The following NTN1 variants were observed in gnomAD, a reference collection of about 807,000 sequenced individuals.
NTN1 encodes the protein netrin 1, also known as netrin-1.
A neutral mutation model predicts 54.2 loss-of-function variants in NTN1; 11 were observed. The ratio of observed to expected loss-of-function variants is 0.20; its 90% confidence interval spans 0.13 to 0.34. The LOEUF is 0.34. NTN1 is among the 10% of genes least tolerant of loss of function. NTN1 has a pLI of 1.00. For missense variants in NTN1, 740 were observed against 893.1 expected (o/e 0.83, Z 2.18); for synonymous variants, 371 against 382.0 (o/e 0.97, Z 0.33).
chr17:9,236,128 G>T (rs567236845), intron 6 of NTN1, among the ~76,000 whole-genome samples: 1 of 104,674 alleles, frequency 9.6e-6, no homozygotes, highest in East Asian at 2.2e-4. Flanking sequence ...AGAATTTGGG[G>T]GGGGGGGTAC....
rs539371479 is a variant in NTN1, at chr17:9,203,015, G to A, written c.1412-18153G>A. Among the ~76,000 whole-genome samples the A allele has an allele frequency of 1.1e-3, 166 of 152,206 alleles. 1 individual carries two copies. Among genetic ancestry groups the A allele is most frequent in the African/African-American group, 3.4e-3 (142 of 41,534 alleles). On this transcript the variant is annotated intron_variant, in intron 5 of 6. Coordinates refer to ENST00000173229, the MANE Select transcript of NTN1 (RefSeq NM_004822.3). The stretch of plus-strand genomic sequence containing the variant: ...CCGCTCACTGCAAGCTCCGCCTTCC[G>A]GGTTCACACCATTCTCCTGCCTCAG...
intron 2 of NTN1, among the ~76,000 whole-genome samples, chr17:9,075,034 CTAGT>C (rs1206123229): frequency 6.6e-6 from 1 of 152,174 alleles, no homozygotes; most frequent in African/African-American, 2.4e-5. Context: ...GTGGTCGGGC[CTAGT>C]TGGTTTGTTT....
intron 2 of NTN1, among the ~76,000 whole-genome samples, chr17:9,140,246 AG>A (rs1246781473): frequency 6.6e-6 from 1 of 152,088 alleles, no homozygotes; most frequent in Non-Finnish European, 1.5e-5. Context: ...GGAAAGGTGG[AG>A]GTCATTGTGA....
chr17:9,142,280 T>C (rs555126678), intron 2 of NTN1, among the ~76,000 whole-genome samples: 62 of 149,930 alleles, frequency 4.1e-4, no homozygotes, highest in African/African-American at 1.5e-3. Flanking sequence ...TAGAATAAGA[T>C]TTCATCTCAA....
chr17:9,118,106 C>T (rs974677604), intron 2 of NTN1, among the ~76,000 whole-genome samples: 10 of 152,326 alleles, frequency 6.6e-5, no homozygotes, highest in African/African-American at 2.2e-4. Context: ...TCAGTTTCGT[C>T]ACCTGTAAAA....
chr17:9,061,476 T>C (rs1207537547), intron 2 of NTN1, among the ~76,000 whole-genome samples: 4 of 151,700 alleles, frequency 2.6e-5, no homozygotes, highest in Non-Finnish European at 5.9e-5. Context: ...CTAAGGAAGG[T>C]GGGGTTTATC....
chr17:9,020,126 C>T (rs1188116829), upstream of NTN1, among the ~76,000 whole-genome samples: 2 of 152,158 alleles, frequency 1.3e-5, no homozygotes, highest in Non-Finnish European at 2.9e-5. Context: ...CAGACGAGCC[C>T]CGAGGCCCCT....
rs200187924 is a variant in NTN1 at position 9,022,744 on chromosome 17, A to C, written c.371A>C (p.Asn124Thr). 24 of 1,608,902 alleles carry C rather than the reference A, an allele frequency of 1.5e-5. No homozygotes were observed. The East Asian group carries it at 5.2e-4, about 35-fold the overall frequency. ...PHNLTCWQSE[N>T]YLQFPHNVTL... is the part of the protein sequence containing the mutation. ...AACCTGACGTGCTGGCAGTCCGAGA[A>C]CTACCTGCAGTTCCCGCACAACGTC... Residue 124 changes from asparagine (N) to threonine (T), a missense_variant, in exon 2 of 7, where the codon AAC becomes ACC. Coordinates refer to ENST00000173229, the MANE Select transcript of NTN1 (RefSeq NM_004822.3).
In NTN1 at chr17:9,163,610, A is replaced by G. The variant is rs146455691; in HGVS notation, c.1207+609A>G. Among the ~76,000 whole-genome samples, 712 of 147,932 alleles carry G rather than the reference A, an allele frequency of 4.8e-3. 7 individuals carry two copies. The highest frequency in any genetic ancestry group is 0.017 in the African/African-American group (681 of 40,230). ...TGCAAATAGCTTTACTTCTCAGGAC[A>G]AAAAAAAAAATTAAAAGGAGACGGG... On this transcript the variant is annotated intron_variant, in intron 3 of 6. Coordinates refer to ENST00000173229, the MANE Select transcript of NTN1 (RefSeq NM_004822.3).
At chr17:9,157,805 C>G (rs2142294584) in intron 2 of NTN1, among the ~76,000 whole-genome samples, 1 of 152,384 alleles carries the variant, frequency 6.6e-6, no homozygotes, top group East Asian at 1.9e-4. Flanking sequence ...CCCCAACCCC[C>G]TTTTCTCTGG....
At chr17:9,129,611 C>G (rs779068966) in intron 2 of NTN1, among the ~76,000 whole-genome samples, 7 of 152,222 alleles carry the variant, frequency 4.6e-5, no homozygotes, top group Non-Finnish European at 8.8e-5. Context: ...AAGCATGTCA[C>G]CCTCGGCGTC....
chr17:9,203,784 CAG>C (rs1389027005), intron 5 of NTN1, among the ~76,000 whole-genome samples: 1 of 151,822 alleles, frequency 6.6e-6, no homozygotes, highest in African/African-American at 2.4e-5. Context: ...GCCTGGGCAT[CAG>C]AGTGAGACTC....
intron 2 of NTN1, among the ~76,000 whole-genome samples, chr17:9,124,998 T>A (rs1350624053): frequency 6.6e-6 from 1 of 152,182 alleles, no homozygotes; most frequent in Non-Finnish European, 1.5e-5. Context: ...TTGTTGTTGT[T>A]AGTGTGTATG....
chr17:9,026,898 C>G (rs1353928707), intron 2 of NTN1, among the ~76,000 whole-genome samples: 1 of 140,594 alleles, frequency 7.1e-6, no homozygotes. Flanking sequence ...CATTGCTCAG[C>G]TGTAACCCAA....
chr17:9,103,946 A>G (rs2092157930), intron 2 of NTN1, among the ~76,000 whole-genome samples: 1 of 151,884 alleles, frequency 6.6e-6, no homozygotes, highest in Non-Finnish European at 1.5e-5. Flanking sequence ...AAAATTAGCC[A>G]GGTGTGATGG....
intron 2 of NTN1, among the ~76,000 whole-genome samples, chr17:9,091,413 C>T (rs1210102154): frequency 6.6e-6 from 1 of 151,482 alleles, no homozygotes; most frequent in Non-Finnish European, 1.5e-5. Flanking sequence ...AGCCACAGTG[C>T]CTGACCAAAG....
In NTN1 at chr17:9,038,160, G is replaced by T. The variant is rs556329839; in HGVS notation, c.1018+14769G>T. Among the ~76,000 whole-genome samples the T allele has an allele frequency of 1.1e-4, 16 of 151,968 alleles. 5 individuals carry two copies. The highest frequency in any genetic ancestry group is 3.9e-4 in the African/African-American group (16 of 41,418). On this transcript the variant is annotated intron_variant, in intron 2 of 6. Coordinates refer to ENST00000173229, the MANE Select transcript of NTN1 (RefSeq NM_004822.3). ...ATATCACTTCTGTGAGGCTTACCCGGACTATTCTATTTATACTGCAAACAG... is the reference window on the plus strand; with the variant it reads ...ATATCACTTCTGTGAGGCTTACCCGTACTATTCTATTTATACTGCAAACAG...
intron 2 of NTN1, among the ~76,000 whole-genome samples, chr17:9,112,761 G>T (rs544174048): frequency 3.8e-4 from 55 of 144,892 alleles, no homozygotes; most frequent in Non-Finnish European, 6.2e-4. Flanking sequence ...GCGGGGTGGA[G>T]CCTGCAGTGA....
At chr17:9,091,284 C>T (rs1007980484) in intron 2 of NTN1, among the ~76,000 whole-genome samples, 30 of 152,046 alleles carry the variant, frequency 2.0e-4, no homozygotes, top group Non-Finnish European at 4.0e-4. Flanking sequence ...GACAGGGTCT[C>T]GCCCTCTCCC....
Sources: gnomAD v4.1 joint callset for allele counts (sites outside exome capture counted in the v4.1 genomes callset) on GRCh38, gnomAD v4.1.1 for gene constraint, MANE v1.5 for transcripts, NCBI Gene and HGNC (gene_info 2026-07-23, HGNC 2026-07-21) for gene names.